The following BCL7B variants were observed in gnomAD, a reference collection of about 807,000 sequenced individuals.
BCL7B encodes B-cell CLL/lymphoma 7 protein family member B.
A neutral mutation model predicts 26.5 loss-of-function variants in BCL7B; 11 were observed. The ratio of observed to expected loss-of-function variants is 0.42; its 90% confidence interval spans 0.26 to 0.69. The LOEUF is 0.69. BCL7B is among the 30% of genes least tolerant of loss of function. The pLI, the probability that BCL7B is intolerant of heterozygous loss-of-function variation, is 0.28. For synonymous variants in BCL7B, 111 were observed against 107.9 expected (o/e 1.03, Z -0.18); for missense variants, 215 against 264.4 (o/e 0.81, Z 1.30).
intron 1 of BCL7B, among the ~76,000 whole-genome samples, chr7:73,552,512 C>T (rs1554584273): frequency 6.6e-6 from 1 of 152,028 alleles, no homozygotes; most frequent in Non-Finnish European, 1.5e-5. Flanking sequence ...GGCGCAGCGG[C>T]TCACGCCTGT....
At chr7:73,551,923 G>A (rs113744095) in intron 2 of BCL7B, among the ~76,000 whole-genome samples, 78 of 151,612 alleles carry the variant, frequency 5.1e-4, no homozygotes, top group Admixed American at 9.8e-4. Context: ...GTGAAACCCC[G>A]TCTCTACTAA....
chr7:73,552,541 G>T (rs1792213642), intron 1 of BCL7B, among the ~76,000 whole-genome samples: 1 of 152,052 alleles, frequency 6.6e-6, no homozygotes, highest in African/African-American at 2.4e-5. Flanking sequence ...CACTTTGGGA[G>T]ACTGAGGTGG....
intron 4 of BCL7B, 54 bp downstream of exon 4, chr7:73,539,828 G>A: frequency 6.3e-7 from 1 of 1,588,612 alleles, no homozygotes. Context: ...GACACAACAA[G>A]AGCAGAAAGC....
chr7:73,557,635 G>GCGCCTCACGCGC lies in BCL7B; in HGVS notation c.-69_-58dup. 9.6e-7 allele frequency: 1 copy of GCGCCTCACGCGC among 1,042,560 alleles called. No individual in the cohort carries two copies. Among genetic ancestry groups the GCGCCTCACGCGC allele is most frequent in the Non-Finnish European group, 1.2e-6 (1 of 835,512 alleles). 64.6% of individuals were successfully genotyped at this position (1,042,560 alleles called of 1,614,324 possible). On this transcript the variant is annotated 5_prime_UTR_variant, in exon 1 of 6. Coordinates refer to ENST00000223368, the MANE Select transcript of BCL7B (RefSeq NM_001707.4). ...CTGCTCCCAAGACACCGGGGATCGC[G>GCGCCTCACGCGC]CGCCTCACGCGCCGCCGCCCGCCCG...
chr7:73,547,025 T>C (rs1489147646), intron 2 of BCL7B, among the ~76,000 whole-genome samples: 4 of 151,854 alleles, frequency 2.6e-5, no homozygotes, highest in Non-Finnish European at 5.9e-5. Flanking sequence ...TAGCTGGGCA[T>C]GGTGAGGCAA....
intron 1 of BCL7B, among the ~76,000 whole-genome samples, chr7:73,553,167 A>C (rs1371176751): frequency 6.6e-6 from 1 of 151,634 alleles, no homozygotes; most frequent in African/African-American, 2.4e-5. Context: ...GCTGGTCTTG[A>C]ACTCTTGGTC....
At chr7:73,557,347 A>T in intron 1 of BCL7B, 140 bp downstream of exon 1, 1 of 1,175,272 alleles carries the variant, frequency 8.5e-7, no homozygotes, top group Non-Finnish European at 1.1e-6. Context: ...CGCCGACGCC[A>T]GCGGCGCCCT....
intron 3 of BCL7B, among the ~76,000 whole-genome samples, chr7:73,541,239 G>A (rs2115749387): frequency 6.6e-6 from 1 of 152,136 alleles, no homozygotes; most frequent in Non-Finnish European, 1.5e-5. Flanking sequence ...TCACCAAAGT[G>A]TTTCCCCCTC....
rs781901018 is a variant in BCL7B at position 73,537,374 on chromosome 7, T to A, written c.533A>T (p.Glu178Val). The change falls in exon 6 of 6, where the codon GAA (glutamate) becomes GTA (valine). Residue 178 changes from glutamate (E) to valine (V), a missense_variant. By Grantham distance (121) the Glu-to-Val change is moderately radical (BLOSUM62 -2). Transcript: ENST00000223368. ...CTTCAGGGGCGGGGCACCTGAGTCT[T>A]CCTCTTCCTCAACGACCTAGGAGCA... The part of the protein sequence containing the change: ...PLETQVVEEE[E>V]DSGAPPLKRF... 5 of 1,613,864 alleles carry A rather than the reference T, an allele frequency of 3.1e-6. No homozygotes were observed. The highest frequency in any genetic ancestry group is 4.2e-6 in the Non-Finnish European group (5 of 1,179,968).
At chr7:73,538,651 C>T (rs985508783) in intron 4 of BCL7B, among the ~76,000 whole-genome samples, 1 of 151,464 alleles carries the variant, frequency 6.6e-6, no homozygotes, top group Non-Finnish European at 1.5e-5. Context: ...TCCATTTCTA[C>T]AGAAAATTAA....
intron 2 of BCL7B, among the ~76,000 whole-genome samples, chr7:73,544,481 C>A (rs955943724): frequency 2.6e-5 from 4 of 151,864 alleles, no homozygotes; most frequent in Non-Finnish European, 5.9e-5. Context: ...CAAAAATGAG[C>A]CTGGCATGGT....
rs547462999 is a variant in BCL7B at position 73,557,655 on chromosome 7, C to T, written c.-77G>A. ...ATCGCGCGCCTCACGCGCCGCCGCC[C>T]GCCCGCCGCCGCCGCAGCGTCACAG... On this transcript the variant is annotated 5_prime_UTR_variant, in exon 1 of 6. Coordinates refer to ENST00000223368, the MANE Select transcript of BCL7B (RefSeq NM_001707.4). The T allele has an allele frequency of 5.0e-5, 43 of 855,972 alleles. No homozygotes were observed. Among genetic ancestry groups the T allele is most frequent in the Non-Finnish European group, 6.2e-5 (42 of 681,104 alleles). 53.0% of individuals were successfully genotyped at this position (855,972 alleles called of 1,614,324 possible).
intron 2 of BCL7B, among the ~76,000 whole-genome samples, chr7:73,546,376 T>C (rs1791958242): frequency 6.6e-6 from 1 of 152,062 alleles, no homozygotes; most frequent in Non-Finnish European, 1.5e-5. Flanking sequence ...ATTGAAAAGT[T>C]GTTTTAGCCA....
chr7:73,537,508 T>A, intron 5 of BCL7B, 118 bp from the exon 6 acceptor site: 1 of 725,746 alleles, frequency 1.4e-6, no homozygotes, highest in South Asian at 1.7e-5. Flanking sequence ...TCAAACATCC[T>A]CCCCTGCCTA....
intron 1 of BCL7B, among the ~76,000 whole-genome samples, chr7:73,554,462 A>AG: frequency 6.6e-6 from 1 of 152,242 alleles, no homozygotes; most frequent in Non-Finnish European, 1.5e-5. Flanking sequence ...AAGCAAAAAA[A>AG]AAGCAACTGC....
intron 2 of BCL7B, among the ~76,000 whole-genome samples, chr7:73,548,336 G>A (rs1554583679): frequency 6.6e-6 from 1 of 152,040 alleles, no homozygotes; most frequent in African/African-American, 2.4e-5. Context: ...GCTGAGGCAG[G>A]AGAATTGCTT....
At chr7:73,543,738 A>T in intron 2 of BCL7B, 94 bp from the exon 3 acceptor site, 22 of 932,460 alleles carry the variant, frequency 2.4e-5, no homozygotes, top group Non-Finnish European at 3.0e-5. Context: ...AGAGGTCTGG[A>T]TTAGGACTGA....
At chr7:73,551,597 C>T (rs1235281445) in intron 2 of BCL7B, among the ~76,000 whole-genome samples, 3 of 152,088 alleles carry the variant, frequency 2.0e-5, no homozygotes, top group Non-Finnish European at 4.4e-5. Context: ...AGCCACCACG[C>T]CCAGCCAGTT....
intron 3 of BCL7B, chr7:73,542,777 C>T (rs782728901): frequency 5.9e-5 from 19 of 322,740 alleles, no homozygotes; most frequent in Non-Finnish European, 1.0e-4. Context: ...CTACTCTAAG[C>T]GACTATGATA....
Sources: allele counts gnomAD v4.1 joint callset (sites outside exome capture counted in the v4.1 genomes callset), GRCh38; gene constraint gnomAD v4.1.1; transcripts MANE v1.5; gene names NCBI Gene and HGNC (gene_info 2026-07-23, HGNC 2026-07-21).